The following SOX13 variants were observed in gnomAD, a reference collection of about 807,000 sequenced individuals.
SOX13 encodes transcription factor SOX-13.
A neutral mutation model predicts 71.8 loss-of-function variants in SOX13; 28 were observed. That is an observed-to-expected ratio of 0.39 (90% confidence interval 0.29 to 0.53). SOX13 has a LOEUF of 0.53. Ranked by LOEUF, SOX13 falls within the 20% of genes least tolerant of loss-of-function variation. The pLI is 0.70. For missense variants in SOX13, 627 were observed against 810.3 expected (o/e 0.77, Z 2.75); for synonymous variants, 309 against 317.8 (o/e 0.97, Z 0.29).
intron 1 of SOX13, among the ~76,000 whole-genome samples, chr1:204,091,546 C>G (rs1249399260): frequency 6.6e-6 from 1 of 152,086 alleles, no homozygotes; most frequent in East Asian, 1.9e-4. Context: ...CAGGGATGCT[C>G]TAATCTCTCT....
chr1:204,108,812 C>G (rs1656520193), intron 1 of SOX13, among the ~76,000 whole-genome samples: 1 of 152,212 alleles, frequency 6.6e-6, no homozygotes, highest in Admixed American at 6.5e-5. Context: ...TCCTTTTGTC[C>G]CCCATTCAGT....
intron 1 of SOX13, among the ~76,000 whole-genome samples, chr1:204,096,775 T>C (rs1656261069): frequency 6.6e-6 from 1 of 152,168 alleles, no homozygotes; most frequent in South Asian, 2.1e-4. Flanking sequence ...CTATCTGTTT[T>C]TCACAGCAGC....
chr1:204,124,668 A>G lies in SOX13; in HGVS notation c.1403A>G (p.Gln468Arg), dbSNP rs1656882185. 1 of 1,612,898 alleles carries G rather than the reference A, an allele frequency of 6.2e-7. No individual in the cohort carries two copies. The highest frequency in any genetic ancestry group is 1.3e-5 in the African/African-American group (1 of 74,940). ...LGSRWKSMTNQEKQPYYEEQA... is the reference protein window; with the variant it reads ...LGSRWKSMTNREKQPYYEEQA... ...TCTCGCTGGAAGTCCATGACCAACC[A>G]GGAGAAGCAGCCCTACTATGAGGAA... The change falls in exon 13 of 14, where the codon CAG becomes CGG. Residue 468 changes from glutamine (Q) to arginine (R), a missense_variant. By Grantham distance (43) the Gln-to-Arg change is conservative. This residue lies in a region of SOX13 where 32 missense variants were observed against 85.4 expected (regional missense o/e 0.37). Coordinates refer to ENST00000367204, the MANE Select transcript of SOX13 (RefSeq NM_005686.3).
intron 1 of SOX13, among the ~76,000 whole-genome samples, chr1:204,097,791 ATTG>A (rs969520850): frequency 1.6e-4 from 25 of 152,282 alleles, no homozygotes; most frequent in African/African-American, 5.8e-4. Flanking sequence ...AATAGGCCAA[ATTG>A]TTGTCAATGG....
rs534271728 is a variant in SOX13, at chr1:204,112,818, C to T, written c.-1-97C>T. Reference sequence around the variant, plus strand: ...CCCATGTGACAGGCACCAGGAGGCACTTGGGTGGGGTCAGGGGAGCAAACA... The same window carrying T: ...CCCATGTGACAGGCACCAGGAGGCATTTGGGTGGGGTCAGGGGAGCAAACA... On this transcript the variant is annotated intron_variant, in intron 1 of 13. Coordinates refer to ENST00000367204, the MANE Select transcript of SOX13 (RefSeq NM_005686.3). 3.1e-5 allele frequency: 30 copies of T among 958,854 alleles called. No individual in the cohort carries two copies. In the Admixed American group the frequency reaches 6.7e-4, roughly 22 times the overall value. The allele number at this position is 958,854 out of a possible 1,614,324, so 59.4% of individuals were successfully genotyped here.
chr1:204,085,030 G>A lies in SOX13; in HGVS notation c.-2+11319G>A, dbSNP rs184112368. ...AAGAAAGACGTGGTGAATGTCAGGA[G>A]TGATGGAAGCTAAGATGAGACTTAA... On this transcript the variant is annotated intron_variant, in intron 1 of 13. Transcript: ENST00000367204. Among the ~76,000 whole-genome samples the A allele has an allele frequency of 7.6e-4, 115 of 152,306 alleles. 3 individuals carry two copies. The highest frequency in any genetic ancestry group is 2.5e-3 in the African/African-American group (104 of 41,562).
chr1:204,113,147 G>C lies in SOX13; in HGVS notation c.219+13G>C, dbSNP rs781532799. 6.6e-7 allele frequency: 1 copy of C among 1,520,948 alleles called. No individual in the cohort carries two copies. Among genetic ancestry groups the C allele is most frequent in the African/African-American group, 1.4e-5 (1 of 72,478 alleles). 94.2% of individuals were successfully genotyped at this position (1,520,948 alleles called of 1,614,324 possible). On this transcript the variant is annotated intron_variant, in intron 2 of 13. Transcript: ENST00000367204. ...CAGGGGCTCCTGGGTCAGTGTCCCC[G>C]CCCTGCCTCCATCCTCACACCCATG... is the stretch of plus-strand genomic sequence containing the variant.
At position 204,117,246 on chromosome 1, in the gene SOX13, G is replaced by A. The variant is rs878916038; in HGVS notation, c.660+56G>A. 3.9e-5 allele frequency: 57 copies of A among 1,479,034 alleles called. 1 individual carries two copies. Among genetic ancestry groups the A allele is most frequent in the South Asian group, 3.3e-4 (29 of 88,120 alleles). 91.6% of individuals were successfully genotyped at this position (1,479,034 alleles called of 1,614,324 possible). On this transcript the variant is annotated intron_variant, in intron 6 of 13. Transcript: ENST00000367204. ...GGAGGCAGTTGAGGGAGTTGACACCGGCCTGGAGGGTGCTGGGGACAGGGG... is the reference window on the plus strand; with the variant it reads ...GGAGGCAGTTGAGGGAGTTGACACCAGCCTGGAGGGTGCTGGGGACAGGGG...
intron 1 of SOX13, among the ~76,000 whole-genome samples, chr1:204,084,954 AC>A (rs1486709260): frequency 6.6e-6 from 1 of 152,188 alleles, no homozygotes; most frequent in African/African-American, 2.4e-5. Flanking sequence ...CCACTGGGAC[AC>A]CCAAACATGA....
Position 204,122,381 on chromosome 1 carries a change from C to G in SOX13, c.1006C>G (p.Pro336Ala). Reference protein sequence around the residue: ...GGPTRDLQSSPPSLPLGFLGE... With the variant: ...GGPTRDLQSSAPSLPLGFLGE... ...CCCCACGCGGGACCTGCAGTCCAGC[C>G]CCCCGAGCCTGCCTCTGGGTAAGCC... The change falls in exon 9 of 14, where the codon CCC becomes GCC. Residue 336 changes from proline (P) to alanine (A), a missense_variant. Pro to Ala is a conservative substitution (Grantham distance 27). This residue lies in a region of SOX13 where 447 missense variants were observed against 532.2 expected (regional missense o/e 0.84). Transcript: ENST00000367204. The G allele has an allele frequency of 5.8e-6, 9 of 1,564,348 alleles. No homozygotes were observed. Among genetic ancestry groups the G allele is most frequent in the Non-Finnish European group, 7.8e-6 (9 of 1,154,674 alleles).
chr1:204,126,543 ACTCCCC>A lies in SOX13; in HGVS notation c.*411_*416del. 21 of 223,832 alleles carry A rather than the reference ACTCCCC, an allele frequency of 9.4e-5. No homozygotes were observed. Among genetic ancestry groups the A allele is most frequent in the Non-Finnish European group, 1.4e-4 (16 of 112,170 alleles). 13.9% of individuals were successfully genotyped at this position (223,832 alleles called of 1,614,324 possible). Reference sequence around the variant, plus strand: ...ACTGTGGGACCAACACCCCTCCCACACTCCCCCAGACTGCTCGTCTATCACCAGGAT... The same window carrying A: ...ACTGTGGGACCAACACCCCTCCCACACAGACTGCTCGTCTATCACCAGGAT... On this transcript the variant is annotated 3_prime_UTR_variant, in exon 14 of 14. Transcript: ENST00000367204.
At chr1:204,082,458 T>TG (rs759001022) in intron 1 of SOX13, among the ~76,000 whole-genome samples, 11 of 152,118 alleles carry the variant, frequency 7.2e-5, no homozygotes, top group African/African-American at 1.2e-4. Context: ...CCAAGCACGT[T>TG]GGGGTTTCAA....
intron 1 of SOX13, among the ~76,000 whole-genome samples, chr1:204,082,872 C>T (rs1655938201): frequency 6.6e-6 from 1 of 152,154 alleles, no homozygotes; most frequent in South Asian, 2.1e-4. Context: ...CCAGAGAATC[C>T]TTGAAATGGG....
rs115823813 is a variant in SOX13, at chr1:204,091,252, C to T, written c.-2+17541C>T. 4.3e-3 allele frequency among the ~76,000 whole-genome samples: 649 copies of T among 152,294 alleles called. 6 individuals are homozygous for T. The highest frequency in any genetic ancestry group is 0.015 in the African/African-American group (638 of 41,558). On this transcript the variant is annotated intron_variant, in intron 1 of 13. Coordinates refer to ENST00000367204, the MANE Select transcript of SOX13 (RefSeq NM_005686.3). Reference sequence around the variant, plus strand: ...GGGAAAAAGACAAGTCGCGTTTCCTCGTCTGCCCTGACCCATGCTGCTCAC... The same window carrying T: ...GGGAAAAAGACAAGTCGCGTTTCCTTGTCTGCCCTGACCCATGCTGCTCAC...
intron 1 of SOX13, among the ~76,000 whole-genome samples, chr1:204,074,747 C>T (rs995960505): frequency 1.3e-5 from 2 of 152,300 alleles, no homozygotes; most frequent in African/African-American, 2.4e-5. Context: ...TTTTGAACTT[C>T]AGCCCTGGAC....
chr1:204,126,598 G>T lies in SOX13; in HGVS notation c.*464G>T, dbSNP rs1656927609. Reference sequence around the variant, plus strand: ...ATCGCTTTGTACTTTGTGCAAAAGGGTCTGGCTGTCCCTTGCTGTTTTCAT... The same window carrying T: ...ATCGCTTTGTACTTTGTGCAAAAGGTTCTGGCTGTCCCTTGCTGTTTTCAT... On this transcript the variant is annotated 3_prime_UTR_variant, in exon 14 of 14. Transcript: ENST00000367204. 5.2e-6 allele frequency: 1 copy of T among 191,456 alleles called. No homozygotes were observed. The allele number at this position is 191,456 out of a possible 1,614,324, so 11.9% of individuals were successfully genotyped here.
chr1:204,120,340 G>T (rs995748762), intron 7 of SOX13, among the ~76,000 whole-genome samples: 1 of 152,186 alleles, frequency 6.6e-6, no homozygotes, highest in Non-Finnish European at 1.5e-5. Flanking sequence ...TCGGGGATAG[G>T]ACCCCCAACT....
Position 204,115,657 on chromosome 1 carries a change from C to CTTTTTTTT in SOX13, c.419-832_419-825dup, listed in dbSNP as rs771014997. 8.9e-4 allele frequency among the ~76,000 whole-genome samples: 51 copies of CTTTTTTTT among 57,410 alleles called. 1 individual carries two copies. Among genetic ancestry groups the CTTTTTTTT allele is most frequent in the East Asian group, 1.4e-3 (2 of 1,418 alleles). The allele number at this position is 57,410 out of a possible 152,430, so 37.7% of individuals were successfully genotyped here. A position where few individuals can be genotyped will look rare whatever the true frequency, so the allele number is the denominator to read the frequency against. On this transcript the variant is annotated intron_variant, in intron 4 of 13. Transcript: ENST00000367204. ...TTTGCATATATTAGCGCTTCTTCTTCTTTTTTTTTTTTTTTTTTTTTTTTT... is the reference window on the plus strand; with the variant it reads ...TTTGCATATATTAGCGCTTCTTCTTCTTTTTTTTTTTTTTTTTTTTTTTTTTTTTTTTT...
chr1:204,120,297 G>A (rs949871104), intron 7 of SOX13, among the ~76,000 whole-genome samples: 1 of 152,214 alleles, frequency 6.6e-6, no homozygotes, highest in Non-Finnish European at 1.5e-5. Context: ...GAGTGTGGAG[G>A]AGAGCTGTGG....
Sources: gnomAD v4.1 joint callset for allele counts (sites outside exome capture counted in the v4.1 genomes callset) on GRCh38, gnomAD v4.1.1 for gene constraint, gnomAD v4.1.1 regional missense constraint, MANE v1.5 for transcripts, NCBI Gene and HGNC (gene_info 2026-07-23, HGNC 2026-07-21) for gene names.